The following SKIC3 variants were observed in gnomAD, a reference collection of about 807,000 sequenced individuals.
The protein encoded by SKIC3 is SKI3 subunit of superkiller complex, also known as superkiller complex protein 3.
At chr5:95,487,472 T>A in the SKIC3 span, among the ~76,000 whole-genome samples, 1 of 152,176 alleles carries the variant, frequency 6.6e-6, no homozygotes, top group Non-Finnish European at 1.5e-5. Context: ...CTTAGCCAAC[T>A]GCTGCCACCA....
the SKIC3 span, chr5:95,498,686 C>T: frequency 1.0e-5 from 12 of 1,165,396 alleles, no homozygotes; most frequent in Admixed American, 2.0e-5. Flanking sequence ...AGTGCAGTGG[C>T]ACCATCTCGG....
At chr5:95,518,622 G>C in the SKIC3 span, among the ~76,000 whole-genome samples, 67 of 151,876 alleles carry the variant, frequency 4.4e-4, no homozygotes, top group African/African-American at 1.5e-3. Flanking sequence ...TATCCAAATT[G>C]CCTTAAATGA....
chr5:95,530,500 G>A, the SKIC3 span, among the ~76,000 whole-genome samples: 1 of 152,144 alleles, frequency 6.6e-6, no homozygotes. Context: ...AGTAGACTAA[G>A]CCACATAGCC....
At chr5:95,538,336 T>A in the SKIC3 span, among the ~76,000 whole-genome samples, 1 of 152,160 alleles carries the variant, frequency 6.6e-6, no homozygotes, top group East Asian at 1.9e-4. Flanking sequence ...ATTGAATCTA[T>A]GCACAGATAA....
the SKIC3 span, among the ~76,000 whole-genome samples, chr5:95,471,170 A>G: frequency 6.6e-6 from 1 of 152,226 alleles, no homozygotes; most frequent in Admixed American, 6.5e-5. Flanking sequence ...TACTTTGGGT[A>G]CATCTGACAA....
chr5:95,551,372 T>C, the SKIC3 span, among the ~76,000 whole-genome samples: 1 of 151,998 alleles, frequency 6.6e-6, no homozygotes, highest in Non-Finnish European at 1.5e-5. Context: ...GTAAACAATG[T>C]TTAGGTGAGG....
chr5:95,492,916 A>C, the SKIC3 span, among the ~76,000 whole-genome samples: 1 of 152,030 alleles, frequency 6.6e-6, no homozygotes, highest in Non-Finnish European at 1.5e-5. Flanking sequence ...GTTTCCATGA[A>C]CTCTTCCATA....
At chr5:95,495,657 C>G in the SKIC3 span, among the ~76,000 whole-genome samples, 1 of 152,158 alleles carries the variant, frequency 6.6e-6, no homozygotes, top group African/African-American at 2.4e-5. Context: ...TTTGAGCCAA[C>G]TTACTCACTA....
the SKIC3 span, among the ~76,000 whole-genome samples, chr5:95,471,556 A>G: frequency 6.6e-6 from 1 of 150,904 alleles, no homozygotes. Flanking sequence ...TTTTTTCAAC[A>G]CTTCAGTCTT....
At chr5:95,468,589 T>C in the SKIC3 span, among the ~76,000 whole-genome samples, 2 of 152,202 alleles carry the variant, frequency 1.3e-5, no homozygotes, top group Admixed American at 1.3e-4. Context: ...CCAAAACTTC[T>C]GTACTGCTAA....
the SKIC3 span, among the ~76,000 whole-genome samples, chr5:95,492,334 T>A: frequency 6.6e-6 from 1 of 150,790 alleles, no homozygotes; most frequent in South Asian, 2.1e-4. Context: ...AGGATTCATT[T>A]TCCTATAAAA....
At chr5:95,524,689 A>G in the SKIC3 span, 4 of 1,533,618 alleles carry the variant, frequency 2.6e-6, no homozygotes, top group East Asian at 4.5e-5. Flanking sequence ...TCAAAGTTTG[A>G]GTGATTCAGA....
At chr5:95,479,471 T>C in the SKIC3 span, among the ~76,000 whole-genome samples, 27 of 152,282 alleles carry the variant, frequency 1.8e-4, no homozygotes, top group African/African-American at 6.5e-4. Flanking sequence ...CAATTTACAG[T>C]AGACCCTCTC....
At chr5:95,492,652 G>GAAAAAAAAAAAAA in the SKIC3 span, among the ~76,000 whole-genome samples, 208 of 48,810 alleles carry the variant, frequency 4.3e-3, 62 homozygotes, top group Non-Finnish European at 5.3e-3. Flanking sequence ...AAAAAAAAAA[G>GAAAAAAAAAAAAA]AAAAAAAAAA....
the SKIC3 span, among the ~76,000 whole-genome samples, chr5:95,542,143 T>A: frequency 1.3e-5 from 2 of 152,178 alleles, no homozygotes; most frequent in Non-Finnish European, 2.9e-5. Context: ...AAGAGGTATA[T>A]CATTCCCTTT....
At chr5:95,529,982 C>G in the SKIC3 span, 63 of 1,396,462 alleles carry the variant, frequency 4.5e-5, no homozygotes, top group East Asian at 1.3e-3. Flanking sequence ...TACATTTTTT[C>G]CCTTCCACCT....
At chr5:95,553,034 A>G in the SKIC3 span, among the ~76,000 whole-genome samples, 4 of 152,324 alleles carry the variant, frequency 2.6e-5, no homozygotes, top group Non-Finnish European at 2.9e-5. Context: ...GAGGTACTCA[A>G]TGGAAGTGTT....
At chr5:95,464,812 G>A in the SKIC3 span, 2 of 693,534 alleles carry the variant, frequency 2.9e-6, no homozygotes, top group African/African-American at 1.8e-5. Context: ...TAGGAAAAGT[G>A]ACTCTGTGCA....
the SKIC3 span, among the ~76,000 whole-genome samples, chr5:95,506,078 C>CCT: frequency 6.6e-6 from 1 of 152,142 alleles, no homozygotes; most frequent in Non-Finnish European, 1.5e-5. Context: ...CAATATCTGT[C>CCT]CTCTGCTTCA....
Sources: gnomAD v4.1 joint callset for allele counts (sites outside exome capture counted in the v4.1 genomes callset) on GRCh38, gnomAD v4.1.1 for gene constraint, MANE v1.5 for transcripts, NCBI Gene and HGNC (gene_info 2026-07-23, HGNC 2026-07-21) for gene names.